The following DNAJC11 variants were observed in gnomAD, a reference collection of about 807,000 sequenced individuals.
DNAJC11 encodes the protein dnaJ homolog subfamily C member 11.
In DNAJC11, 15 loss-of-function variants were observed where a neutral mutation model predicts 78.6. That is an observed-to-expected ratio of 0.19 (90% CI 0.13 to 0.29). DNAJC11 has a LOEUF of 0.29. DNAJC11 is among the 10% of genes least tolerant of loss of function. DNAJC11 has a pLI of 1.00. For synonymous variants in DNAJC11, 292 were observed against 272.1 expected (o/e 1.07, Z -0.72); for missense variants, 547 against 709.6 (o/e 0.77, Z 2.60).
At chr1:6,642,165 G>A (rs1404565602) in intron 10 of DNAJC11, among the ~76,000 whole-genome samples, 1 of 152,140 alleles carries the variant, frequency 6.6e-6, no homozygotes, top group African/African-American at 2.4e-5. Context: ...GGGGTAGAGA[G>A]GAGTACTACA....
At chr1:6,691,298 A>C (rs541130228) in intron 1 of DNAJC11, among the ~76,000 whole-genome samples, 41 of 151,732 alleles carry the variant, frequency 2.7e-4, no homozygotes, top group Admixed American at 2.5e-3. Flanking sequence ...TTCAAGAACA[A>C]ATGGGCCCAA....
At position 6,667,829 on chromosome 1, in the gene DNAJC11, TG is replaced by T. The variant is rs775478428; in HGVS notation, c.277-20del. Reference sequence around the variant, plus strand: ...CCACAACCTATGCACAGAATCAAGATGGGAAGACAGTTGAGGACCCAGGAGG... The same window carrying T: ...CCACAACCTATGCACAGAATCAAGATGGAAGACAGTTGAGGACCCAGGAGG... On this transcript the variant is annotated intron_variant, in intron 3 of 15. Coordinates refer to ENST00000377577, the MANE Select transcript of DNAJC11 (RefSeq NM_018198.4). The T allele has an allele frequency of 1.9e-6, 3 of 1,610,808 alleles. No homozygotes were observed. The highest frequency in any genetic ancestry group is 2.5e-6 in the Non-Finnish European group (3 of 1,177,900).
In DNAJC11 at chr1:6,638,402, C is replaced by T. The variant is rs761778663; in HGVS notation, c.1254-38G>A. On this transcript the variant is annotated intron_variant, in intron 11 of 15. Transcript: ENST00000377577. ...GAACACAAGCCCCACGTTAGCGCGGCGCTGCCCAGCTTCCAGCCAACACAG... is the reference window on the plus strand; with the variant it reads ...GAACACAAGCCCCACGTTAGCGCGGTGCTGCCCAGCTTCCAGCCAACACAG... 2.6e-5 allele frequency: 42 copies of T among 1,593,890 alleles called. No homozygotes were observed. The East Asian group carries it at 2.9e-4, about 11-fold the overall frequency.
At chr1:6,692,283 T>C (rs1048578955) in intron 1 of DNAJC11, among the ~76,000 whole-genome samples, 2 of 152,116 alleles carry the variant, frequency 1.3e-5, no homozygotes, top group African/African-American at 2.4e-5. Flanking sequence ...TGAGATGACA[T>C]TGGAAGTGGT....
intron 1 of DNAJC11, among the ~76,000 whole-genome samples, chr1:6,696,988 T>C (rs1206824128): frequency 6.6e-6 from 1 of 152,232 alleles, no homozygotes; most frequent in African/African-American, 2.4e-5. Context: ...ATTTCCTAAT[T>C]AATGGATCAG....
Position 6,667,771 on chromosome 1 carries a change from CCT to C in DNAJC11, c.314_315del (p.Glu105GlyfsTer3). 1 of 1,614,120 alleles carries C rather than the reference CCT, an allele frequency of 6.2e-7. No individual in the cohort carries two copies. Among genetic ancestry groups the C allele is most frequent in the Non-Finnish European group, 8.5e-7 (1 of 1,180,040 alleles). On this transcript the variant is annotated frameshift_variant, in exon 4 of 16. Transcript: ENST00000377577. LOFTEE classifies it high-confidence loss of function. The stretch of plus-strand genomic sequence containing the variant: ...CTCTCTCTCTGCAGCCGCTCAAACT[CCT>C]CTCGAATTTCAGCAGGGGTTCTCCT... Reference protein sequence around the residue: ...ERRRTPAEIREEFERLQRERE... With the variant: ...ERRRTPAEIRXEFERLQRERE...
intron 1 of DNAJC11, among the ~76,000 whole-genome samples, chr1:6,693,960 T>C (rs1642792811): frequency 1.3e-5 from 2 of 151,512 alleles, no homozygotes; most frequent in Non-Finnish European, 2.9e-5. Flanking sequence ...TTCAGCCTTA[T>C]GAGTAGCTGG....
rs146598539 is a variant in DNAJC11 at position 6,659,655 on chromosome 1, G to A, written c.379-5616C>T. Among the ~76,000 whole-genome samples, 877 of 152,290 alleles carry A rather than the reference G, an allele frequency of 5.8e-3. 3 individuals are homozygous for A. The highest frequency in any genetic ancestry group is 9.8e-3 in the Non-Finnish European group (665 of 68,016). On this transcript the variant is annotated intron_variant, in intron 4 of 15. Coordinates refer to ENST00000377577, the MANE Select transcript of DNAJC11 (RefSeq NM_018198.4). ...CATGCACCTGTAGTCCCAGCTACTC[G>A]GAGGCTGAGGCAGAAGAATTGCTTG...
chr1:6,682,852 G>C (rs1642575377), intron 1 of DNAJC11, among the ~76,000 whole-genome samples: 1 of 152,170 alleles, frequency 6.6e-6, no homozygotes, highest in Non-Finnish European at 1.5e-5. Flanking sequence ...TAAGCCTGGG[G>C]AGGCTGAGGT....
Position 6,653,642 on chromosome 1 carries a change from T to C in DNAJC11, c.507+269A>G, listed in dbSNP as rs1557472697. Among the ~76,000 whole-genome samples, 1 of 152,172 alleles carries C rather than the reference T, an allele frequency of 6.6e-6. No individual in the cohort carries two copies. Among genetic ancestry groups the C allele is most frequent in the Admixed American group, 6.5e-5 (1 of 15,274 alleles). On this transcript the variant is annotated intron_variant, in intron 5 of 15. Transcript: ENST00000377577. This position sits in a 1 kb window ranked among gnomAD's most constrained non-coding sequence, Gnocchi z 4.5. ...GAACCCCATGACCTTGGGCCTCTAC[T>C]TCTCCCAGACCATTAACACCCTCTG...
At chr1:6,658,034 A>G (rs1365424313) in intron 4 of DNAJC11, among the ~76,000 whole-genome samples, 1 of 152,238 alleles carries the variant, frequency 6.6e-6, no homozygotes, top group Non-Finnish European at 1.5e-5. Context: ...AACAGTGATC[A>G]CAGAATCTTC....
chr1:6,677,346 G>A (rs1642481710), intron 3 of DNAJC11, among the ~76,000 whole-genome samples: 2 of 151,986 alleles, frequency 1.3e-5, no homozygotes, highest in Non-Finnish European at 2.9e-5. Context: ...ACGTTAGAGT[G>A]TAGTGGCGTG....
At chr1:6,701,176 G>A (rs924768456) in intron 1 of DNAJC11, among the ~76,000 whole-genome samples, 1 of 152,186 alleles carries the variant, frequency 6.6e-6, no homozygotes, top group Non-Finnish European at 1.5e-5. Context: ...TCGGGTCCAG[G>A]GGAATGAAAG....
At chr1:6,659,787 G>A (rs1237501754) in intron 4 of DNAJC11, among the ~76,000 whole-genome samples, 1 of 151,122 alleles carries the variant, frequency 6.6e-6, no homozygotes, top group Admixed American at 6.6e-5. Flanking sequence ...GCCGGGCACG[G>A]TGGCTCACGC....
intron 3 of DNAJC11, among the ~76,000 whole-genome samples, chr1:6,674,991 G>A (rs1642438720): frequency 1.3e-5 from 2 of 152,150 alleles, no homozygotes; most frequent in African/African-American, 4.8e-5. Context: ...AAAAATACCA[G>A]CAACAGCATG....
intron 4 of DNAJC11, among the ~76,000 whole-genome samples, chr1:6,664,460 G>A (rs1332959650): frequency 1.3e-5 from 2 of 151,988 alleles, no homozygotes; most frequent in African/African-American, 4.8e-5. Flanking sequence ...GGATGGTCTC[G>A]ATCTCCTGAC....
In DNAJC11 at chr1:6,634,899, C is replaced by G; in HGVS notation, c.*776G>C. Reference sequence around the variant, plus strand: ...AGCTGCCCTTGCCCAGCACTGCACTCTGGAGGTGGGTGGTGCAGGCGGTGG... The same window carrying G: ...AGCTGCCCTTGCCCAGCACTGCACTGTGGAGGTGGGTGGTGCAGGCGGTGG... On this transcript the variant is annotated 3_prime_UTR_variant, in exon 16 of 16. Coordinates refer to ENST00000377577, the MANE Select transcript of DNAJC11 (RefSeq NM_018198.4). 8.4e-7 allele frequency: 1 copy of G among 1,186,396 alleles called. No homozygotes were observed. The highest frequency in any genetic ancestry group is 3.9e-4 in the Middle Eastern group (1 of 2,572). 73.5% of individuals were successfully genotyped at this position (1,186,396 alleles called of 1,614,324 possible). A position where few individuals can be genotyped will look rare whatever the true frequency, so the allele number is the denominator to read the frequency against.
At chr1:6,693,884 G>A (rs1002829224) in intron 1 of DNAJC11, among the ~76,000 whole-genome samples, 5 of 141,572 alleles carry the variant, frequency 3.5e-5, no homozygotes, top group African/African-American at 1.3e-4. Flanking sequence ...CTGTTGCCCA[G>A]GCTGGAGCAC....
intron 12 of DNAJC11, chr1:6,637,771 G>C (rs1641805300): frequency 3.6e-6 from 2 of 562,444 alleles, no homozygotes; most frequent in Admixed American, 6.4e-5. Flanking sequence ...TCCCTTTCTA[G>C]GGATCATTAA....
Sources: gnomAD v4.1 joint callset for allele counts (sites outside exome capture counted in the v4.1 genomes callset) on GRCh38, gnomAD v4.1.1 for gene constraint, Gnocchi (gnomAD v3.1) non-coding constraint, MANE v1.5 for transcripts, NCBI Gene and HGNC (gene_info 2026-07-23, HGNC 2026-07-21) for gene names.